SH3D19: variants seen among roughly 807,000 people sequenced by gnomAD.
SH3D19 encodes SH3 domain-containing protein 19.
SH3D19 carries 58 observed loss-of-function variants against 112.1 expected under a neutral mutation model. The ratio of observed to expected loss-of-function variants is 0.52; its 90% CI spans 0.42 to 0.64. The LOEUF is 0.64. SH3D19 is among the 30% of genes least tolerant of loss of function. The probability of loss-of-function intolerance (pLI) is 0.00; values close to 1 mark genes in which losing one functional copy is unlikely to be tolerated. For synonymous variants in SH3D19, 391 were observed against 448.5 expected (o/e 0.87, Z 1.62); for missense variants, 1,090 against 1,263.4 (o/e 0.86, Z 2.08).
intron 7 of SH3D19, 61 bp from the exon 8 acceptor site, chr4:151,165,757 T>A: frequency 2.2e-6 from 3 of 1,392,796 alleles, no homozygotes; most frequent in Non-Finnish European, 3.1e-6. Context: ...ACAAAAAACC[T>A]CATTCATAAT....
intron 1 of SH3D19, among the ~76,000 whole-genome samples, chr4:151,288,239 C>T (rs1360950520): frequency 6.6e-6 from 1 of 152,164 alleles, no homozygotes. Context: ...CTATTCTTGT[C>T]ATTTCTATGC....
chr4:151,253,811 C>A (rs973861079), intron 1 of SH3D19, among the ~76,000 whole-genome samples: 1 of 151,908 alleles, frequency 6.6e-6, no homozygotes, highest in African/African-American at 2.4e-5. Flanking sequence ...TTCTGACTTA[C>A]AACTACAATA....
intron 1 of SH3D19, among the ~76,000 whole-genome samples, chr4:151,239,836 T>C (rs1228748341): frequency 1.3e-5 from 2 of 152,162 alleles, no homozygotes; most frequent in African/African-American, 4.8e-5. Flanking sequence ...ATAATAGAGC[T>C]AATAGAGGGG....
chr4:151,200,133 G>C (rs1048982016), intron 2 of SH3D19, among the ~76,000 whole-genome samples: 1 of 152,076 alleles, frequency 6.6e-6, no homozygotes, highest in South Asian at 2.1e-4. Flanking sequence ...TCCCAGCCTC[G>C]AGAAGTGTGG....
rs540522266 is a variant in SH3D19, at chr4:151,247,128, A to G, written c.113-21042T>C. Among the ~76,000 whole-genome samples, 4 of 152,324 alleles carry G rather than the reference A, an allele frequency of 2.6e-5. No individual in the cohort carries two copies. The South Asian group carries it at 8.3e-4, about 32-fold the overall frequency. ...CAAATGTGATCCTGAATTCTATAAA[A>G]TGATAAAATTTTTATAATTTTTCTC... On this transcript the variant is annotated intron_variant, in intron 1 of 19. Coordinates refer to ENST00000604030, the MANE Select transcript of SH3D19 (RefSeq NM_001378122.1).
chr4:151,176,448 T>C (rs998438271), intron 6 of SH3D19, 86 bp downstream of exon 6: 3 of 1,108,602 alleles, frequency 2.7e-6, no homozygotes, highest in Non-Finnish European at 3.4e-6. Context: ...TATGCACAAA[T>C]TGCAAATTAT....
chr4:151,213,304 T>C (rs1291166967), intron 2 of SH3D19, among the ~76,000 whole-genome samples: 2 of 152,146 alleles, frequency 1.3e-5, no homozygotes, highest in African/African-American at 2.4e-5. Context: ...AGAGAAACTG[T>C]GAAAGGAAGA....
intron 1 of SH3D19, among the ~76,000 whole-genome samples, chr4:151,265,018 T>C (rs1010205990): frequency 2.0e-5 from 3 of 152,132 alleles, no homozygotes; most frequent in Non-Finnish European, 4.4e-5. Flanking sequence ...AATAAAATCA[T>C]TGTTTAAAAA....
chr4:151,265,508 G>A (rs532740124), intron 1 of SH3D19, among the ~76,000 whole-genome samples: 3 of 151,052 alleles, frequency 2.0e-5, no homozygotes, highest in African/African-American at 4.9e-5. Flanking sequence ...CCAAGCTCAA[G>A]GCATAAGTTT....
intron 1 of SH3D19, chr4:151,283,216 C>A (rs1170457511): frequency 6.2e-7 from 1 of 1,613,756 alleles, no homozygotes; most frequent in Non-Finnish European, 8.5e-7. Context: ...TTCTTGCCAG[C>A]ACTGGAGCCA....
chr4:151,291,334 C>T (rs13126069), intron 1 of SH3D19: 679,273 of 1,613,276 alleles, frequency 0.42, 146,560 homozygotes, highest in Admixed American at 0.48. Context: ...GGCTCTCCTG[C>T]GTCCCTCCTG....
chr4:151,252,298 C>G (rs1771479238), intron 1 of SH3D19, among the ~76,000 whole-genome samples: 1 of 152,214 alleles, frequency 6.6e-6, no homozygotes, highest in South Asian at 2.1e-4. Context: ...TACAGCAAAA[C>G]TACTTTTTCT....
intron 1 of SH3D19, among the ~76,000 whole-genome samples, chr4:151,244,189 C>T (rs1327853715): frequency 7.0e-6 from 1 of 143,536 alleles, no homozygotes; most frequent in African/African-American, 2.5e-5. Context: ...ACAGAATCTT[C>T]CCACATCTCA....
rs543593750 is a variant in SH3D19, at chr4:151,294,331, T to C, written c.112+30910A>G. Among the ~76,000 whole-genome samples the C allele has an allele frequency of 1.8e-3, 271 of 152,382 alleles. 1 individual carries two copies. The highest frequency in any genetic ancestry group is 6.1e-3 in the African/African-American group (255 of 41,592). ...CAAATATCAGTTAAATACAAGTTAG[T>C]TTGAAATTGGAAGTAACTGTTCCAC... On this transcript the variant is annotated intron_variant, in intron 1 of 19. Transcript: ENST00000604030.
intron 1 of SH3D19, among the ~76,000 whole-genome samples, chr4:151,284,657 TA>T (rs1397591786): frequency 6.6e-6 from 1 of 152,224 alleles, no homozygotes; most frequent in African/African-American, 2.4e-5. Flanking sequence ...TTGTTTACTT[TA>T]ATATCTAATC....
intron 11 of SH3D19, chr4:151,144,385 C>A: frequency 9.5e-7 from 1 of 1,054,628 alleles, no homozygotes; most frequent in Non-Finnish European, 1.5e-6. Context: ...GCCTAAAGTG[C>A]ACCTTCTCCA....
intron 2 of SH3D19, among the ~76,000 whole-genome samples, chr4:151,198,810 G>A (rs1286951710): frequency 6.6e-6 from 1 of 152,100 alleles, no homozygotes; most frequent in Non-Finnish European, 1.5e-5. Context: ...CTCTTAAGGA[G>A]TTACTGTTAT....
chr4:151,215,832 CTT>C (rs112932689), intron 2 of SH3D19, among the ~76,000 whole-genome samples: 11 of 145,582 alleles, frequency 7.6e-5, no homozygotes, highest in Non-Finnish European at 1.2e-4. Context: ...AGGGTTTTAC[CTT>C]TTTTTTTTTT....
At chr4:151,215,102 C>T (rs531613096) in intron 2 of SH3D19, among the ~76,000 whole-genome samples, 1 of 152,284 alleles carries the variant, frequency 6.6e-6, no homozygotes, top group East Asian at 1.9e-4. Flanking sequence ...TCCTCACTTC[C>T]TAGCTAACTT....
Sources: allele counts gnomAD v4.1 joint callset (sites outside exome capture counted in the v4.1 genomes callset), GRCh38; gene constraint gnomAD v4.1.1; transcripts MANE v1.5; gene names NCBI Gene and HGNC (gene_info 2026-07-23, HGNC 2026-07-21).